Variants in SCUBE1 observed in about 807,000 individuals in gnomAD.
SCUBE1 encodes signal peptide, CUB and EGF-like domain-containing protein 1.
Under a neutral mutation model 124.4 loss-of-function variants are expected in SCUBE1, and 59 were observed. The ratio of observed to expected loss-of-function variants is 0.47; its 90% confidence interval spans 0.38 to 0.59. The LOEUF is 0.59. SCUBE1 is among the 20% of genes least tolerant of loss of function. The pLI is 0.00. For missense variants in SCUBE1, 1,150 were observed against 1,371.2 expected (o/e 0.84, Z 2.55); for synonymous variants, 545 against 550.9 (o/e 0.99, Z 0.15).
chr22:43,314,137 G>C (rs1259279762), intron 3 of SCUBE1, among the ~76,000 whole-genome samples: 1 of 152,186 alleles, frequency 6.6e-6, no homozygotes, highest in Non-Finnish European at 1.5e-5. Context: ...AGCGGAGACA[G>C]AGAACCTTCC....
chr22:43,343,032 A>T, intron 1 of SCUBE1, 142 bp downstream of exon 1: 1 of 203,472 alleles, frequency 4.9e-6, no homozygotes, highest in Non-Finnish European at 8.5e-6. Flanking sequence ...GGCCGGCCCT[A>T]GAAGTTACTT....
chr22:43,284,191 T>TGG (rs1925039504), intron 4 of SCUBE1, among the ~76,000 whole-genome samples: 1 of 152,372 alleles, frequency 6.6e-6, no homozygotes, highest in Non-Finnish European at 1.5e-5. Context: ...GCCAGAGGTC[T>TGG]GGGGACATTC....
intron 14 of SCUBE1, among the ~76,000 whole-genome samples, chr22:43,219,890 C>T (rs949740768): frequency 6.6e-6 from 1 of 152,034 alleles, no homozygotes; most frequent in Non-Finnish European, 1.5e-5. Flanking sequence ...TTTGCACGTG[C>T]GTCTGCCTCT....
rs1020348611 is a variant in SCUBE1, at chr22:43,234,528, C to T, written c.845-2653G>A. ...TAGCAACCAGACAGGCAGAGGGAGG[C>T]ATGTCTGCCTGAGGCCCGGGCTGGT... On this transcript the variant is annotated intron_variant, in intron 7 of 21. Transcript: ENST00000360835. The surrounding 1 kb of genome is among the most constrained non-coding windows in gnomAD (Gnocchi z 4.4). 4.6e-5 allele frequency among the ~76,000 whole-genome samples: 7 copies of T among 152,190 alleles called. No homozygotes were observed. Among genetic ancestry groups the T allele is most frequent in the Middle Eastern group, 3.2e-3 (1 of 316 alleles).
chr22:43,229,243 G>T, intron 8 of SCUBE1, 55 bp from the exon 9 acceptor site: 2 of 1,093,054 alleles, frequency 1.8e-6, no homozygotes, highest in South Asian at 1.2e-5. Context: ...AGTGGTGGGT[G>T]GGCACGGCCT....
chr22:43,297,544 AG>A, intron 3 of SCUBE1, among the ~76,000 whole-genome samples: 1 of 152,200 alleles, frequency 6.6e-6, no homozygotes. Context: ...GATGTGTGGG[AG>A]GGGACCCCTG....
chr22:43,309,299 A>G lies in SCUBE1; in HGVS notation c.349+10638T>C, dbSNP rs79065613. Among the ~76,000 whole-genome samples the G allele has an allele frequency of 5.9e-3, 895 of 152,312 alleles. 14 individuals are homozygous for G. The highest frequency in any genetic ancestry group is 0.021 in the African/African-American group (873 of 41,564). On this transcript the variant is annotated intron_variant, in intron 3 of 21. Transcript: ENST00000360835. ...TTGGCCTCTGCATCATCTCTGTCAA[A>G]TAAGCACTGTTACCAGCCCCACCTC...
chr22:43,214,047 GCCCA>G, intron 16 of SCUBE1, 39 bp downstream of exon 16: 2 of 143,440 alleles, frequency 1.4e-5, no homozygotes, highest in Non-Finnish European at 2.6e-5. Context: ...AGGAGCCCCC[GCCCA>G]CCCCCCACCC....
chr22:43,310,324 C>T (rs959504516), intron 3 of SCUBE1, among the ~76,000 whole-genome samples: 2 of 152,114 alleles, frequency 1.3e-5, no homozygotes, highest in African/African-American at 4.8e-5. Flanking sequence ...ACCTCTGTTA[C>T]CCCCCTCATT....
chr22:43,271,638 C>A (rs541094772), intron 4 of SCUBE1, among the ~76,000 whole-genome samples: 1 of 152,154 alleles, frequency 6.6e-6, no homozygotes, highest in Non-Finnish European at 1.5e-5. Context: ...TGCCTTCCAC[C>A]CTGTATCCCC....
chr22:43,327,469 G>A (rs1385921037), intron 2 of SCUBE1, among the ~76,000 whole-genome samples: 3 of 152,218 alleles, frequency 2.0e-5, no homozygotes, highest in Admixed American at 1.3e-4. Flanking sequence ...GGGGCATGGA[G>A]TTTCTTTTTG....
Position 43,212,315 on chromosome 22 carries a change from G to GGCTC in SCUBE1, c.2221+109_2221+110insGAGC, listed in dbSNP as rs1921598098. 9 of 1,250,826 alleles carry GGCTC rather than the reference G, an allele frequency of 7.2e-6. No homozygotes were observed. The South Asian group carries it at 1.2e-4, about 16-fold the overall frequency. The allele number at this position is 1,250,826 out of a possible 1,614,324, so 77.5% of individuals were successfully genotyped here. A position where few individuals can be genotyped will look rare whatever the true frequency, so the allele number is the denominator to read the frequency against. On this transcript the variant is annotated intron_variant, in intron 17 of 21. Coordinates refer to ENST00000360835, the MANE Select transcript of SCUBE1 (RefSeq NM_173050.5). The stretch of plus-strand genomic sequence containing the variant: ...TGACAGCTCCAGGCTCCTCCTCTGA[G>GGCTC]CTGGGAGGTTCGCCACATGGAGGAG...
At chr22:43,212,385 C>T (rs1387706622) in intron 17 of SCUBE1, 40 bp downstream of exon 17, 1 of 1,543,798 alleles carries the variant, frequency 6.5e-7, no homozygotes, top group East Asian at 2.4e-5. Context: ...GCAGCCCTGC[C>T]TCTCGGGGTG....
intron 3 of SCUBE1, among the ~76,000 whole-genome samples, chr22:43,309,812 C>G (rs2146773352): frequency 6.6e-6 from 1 of 152,198 alleles, no homozygotes; most frequent in East Asian, 1.9e-4. Flanking sequence ...ACTCTCTTCT[C>G]CCTGTACCTC....
chr22:43,314,745 G>A (rs1237147272), intron 3 of SCUBE1, among the ~76,000 whole-genome samples: 2 of 152,166 alleles, frequency 1.3e-5, no homozygotes, highest in Non-Finnish European at 2.9e-5. Flanking sequence ...GCCGAGGGTG[G>A]GAAGGGCAGG....
In SCUBE1 at chr22:43,281,546, TCC is replaced by T. The variant is rs1237979497; in HGVS notation, c.484+9498_484+9499del. Among the ~76,000 whole-genome samples the T allele has an allele frequency of 1.1e-3, 87 of 78,016 alleles. 4 individuals carry two copies. Among genetic ancestry groups the T allele is most frequent in the East Asian group, 7.2e-3 (9 of 1,254 alleles). The allele number at this position is 78,016 out of a possible 152,430, so 51.2% of individuals were successfully genotyped here. ...CTCCTGTCACCTCCCTCAGTCACCC[TCC>T]TGTCACCTCCCCCTCAGCCACCCTC... On this transcript the variant is annotated intron_variant, in intron 4 of 21. Coordinates refer to ENST00000360835, the MANE Select transcript of SCUBE1 (RefSeq NM_173050.5).
chr22:43,292,442 A>C (rs1298965471), intron 3 of SCUBE1, among the ~76,000 whole-genome samples: 1 of 152,112 alleles, frequency 6.6e-6, no homozygotes, highest in East Asian at 1.9e-4. Flanking sequence ...TAATGAAAGA[A>C]GGGCTTCTTA....
intron 8 of SCUBE1, 128 bp downstream of exon 8, chr22:43,231,625 A>G: frequency 8.7e-7 from 1 of 1,143,662 alleles, no homozygotes; most frequent in Non-Finnish European, 1.2e-6. Flanking sequence ...GTCGTAAAGG[A>G]CCCCATTCCC....
chr22:43,223,007 T>G, intron 11 of SCUBE1, 90 bp downstream of exon 11: 1 of 1,468,056 alleles, frequency 6.8e-7, no homozygotes, highest in South Asian at 1.4e-5. Context: ...GTCAGACTCT[T>G]TCCTGGAGGA....
Sources: gnomAD v4.1 joint callset for allele counts (sites outside exome capture counted in the v4.1 genomes callset) on GRCh38, gnomAD v4.1.1 for gene constraint, Gnocchi (gnomAD v3.1) non-coding constraint, MANE v1.5 for transcripts, NCBI Gene and HGNC (gene_info 2026-07-23, HGNC 2026-07-21) for gene names.